NUBPL: variants seen among roughly 807,000 people sequenced by gnomAD.
NUBPL encodes NUBP iron-sulfur cluster assembly factor, mitochondrial.
In NUBPL, 31 loss-of-function variants were observed where a neutral mutation model predicts 45.7. The observed-to-expected ratio is 0.68, with a 90% CI of 0.51 to 0.92. The LOEUF (loss-of-function observed/expected upper bound fraction) is 0.92. Among genes scored for constraint, NUBPL ranks in the 40% least tolerant of loss-of-function variants. The probability of loss-of-function intolerance (pLI) is 0.00; values close to 1 mark genes in which losing one functional copy is unlikely to be tolerated. For synonymous variants in NUBPL, 144 were observed against 140.9 expected, an observed-to-expected ratio of 1.02 and a Z score of -0.15; for missense variants, 401 against 398.7, an observed-to-expected ratio of 1.01 and a Z score of -0.05.
intron 4 of NUBPL, among the ~76,000 whole-genome samples, chr14:31,645,808 A>C (rs904433752): frequency 3.6e-5 from 4 of 111,782 alleles, no homozygotes; most frequent in African/African-American, 1.4e-4. Context: ...TTGTTGTGTC[A>C]TTTTACGTTT....
At chr14:31,662,569 T>C (rs2139774561) in intron 4 of NUBPL, among the ~76,000 whole-genome samples, 1 of 152,112 alleles carries the variant, frequency 6.6e-6, no homozygotes, top group Non-Finnish European at 1.5e-5. Flanking sequence ...GAACATGCGG[T>C]GTTTGGTGTT....
intron 4 of NUBPL, among the ~76,000 whole-genome samples, chr14:31,635,429 G>A (rs2035465410): frequency 6.6e-6 from 1 of 151,894 alleles, no homozygotes; most frequent in Non-Finnish European, 1.5e-5. Flanking sequence ...TGAGGGCTCT[G>A]TTCTGTTCCA....
chr14:31,698,747 A>G (rs1351025772), intron 6 of NUBPL, among the ~76,000 whole-genome samples: 1 of 151,128 alleles, frequency 6.6e-6, no homozygotes, highest in Non-Finnish European at 1.5e-5. Flanking sequence ...TTTCTATACT[A>G]TTTGCCTTCA....
intron 4 of NUBPL, among the ~76,000 whole-genome samples, chr14:31,660,428 AG>A (rs1480623554): frequency 6.6e-6 from 1 of 152,210 alleles, no homozygotes; most frequent in Non-Finnish European, 1.5e-5. Flanking sequence ...TCAGAAAGGA[AG>A]GACTAGAGAA....
At chr14:31,810,311 T>C (rs2039775677) in intron 7 of NUBPL, among the ~76,000 whole-genome samples, 1 of 152,216 alleles carries the variant, frequency 6.6e-6, no homozygotes, top group African/African-American at 2.4e-5. Flanking sequence ...CTGTATTGGG[T>C]GCATATATAT....
chr14:31,671,274 C>T (rs1211565729), intron 4 of NUBPL, among the ~76,000 whole-genome samples: 1 of 152,158 alleles, frequency 6.6e-6, no homozygotes, highest in Admixed American at 6.5e-5. Flanking sequence ...ATACGTTCAT[C>T]TAATGTTGGA....
chr14:31,837,630 A>T (rs143757120), intron 8 of NUBPL, among the ~76,000 whole-genome samples: 1 of 152,204 alleles, frequency 6.6e-6, no homozygotes, highest in African/African-American at 2.4e-5. Flanking sequence ...CCACATAAAA[A>T]TTATTGAGGA....
intron 6 of NUBPL, among the ~76,000 whole-genome samples, chr14:31,766,992 T>TA (rs200669261): frequency 1.7e-3 from 247 of 147,054 alleles, no homozygotes; most frequent in Middle Eastern, 0.014. Flanking sequence ...AATACATAAT[T>TA]AAAAAAAAAA....
intron 6 of NUBPL, among the ~76,000 whole-genome samples, chr14:31,719,934 A>C (rs1286913437): frequency 6.6e-6 from 1 of 152,222 alleles, no homozygotes; most frequent in Admixed American, 6.5e-5. Flanking sequence ...AAAATGATTT[A>C]AATAATGATA....
chr14:31,748,354 T>C lies in NUBPL; in HGVS notation c.514-39426T>C, dbSNP rs1472497590. Among the ~76,000 whole-genome samples the C allele has an allele frequency of 3.9e-5, 6 of 152,170 alleles. No individual in the cohort carries two copies. In the South Asian group the frequency reaches 6.2e-4, roughly 16 times the overall value. ...ACAGTTTAAGTCTGATGTTTCTCTG[T>C]TGTTTTTTTGTTGAGATTGTTTGTT... On this transcript the variant is annotated intron_variant, in intron 6 of 10. Coordinates refer to ENST00000281081, the MANE Select transcript of NUBPL (RefSeq NM_025152.3).
intron 6 of NUBPL, among the ~76,000 whole-genome samples, chr14:31,678,103 A>G (rs1430473608): frequency 6.6e-6 from 1 of 152,182 alleles, no homozygotes; most frequent in Non-Finnish European, 1.5e-5. Flanking sequence ...CCCACAGGGC[A>G]TACTTCTAGG....
chr14:31,700,908 C>T (rs898870692), intron 6 of NUBPL, among the ~76,000 whole-genome samples: 3 of 152,124 alleles, frequency 2.0e-5, no homozygotes, highest in South Asian at 2.1e-4. Context: ...CCGGTCCCAT[C>T]GACCGCCCAA....
chr14:31,698,356 C>CTT (rs548304258), intron 6 of NUBPL, among the ~76,000 whole-genome samples: 5 of 142,498 alleles, frequency 3.5e-5, no homozygotes, highest in African/African-American at 1.3e-4. Flanking sequence ...TCATTTTGGT[C>CTT]TTTTTTTTTT....
intron 4 of NUBPL, among the ~76,000 whole-genome samples, chr14:31,648,975 A>AT (rs67397073): frequency 0.44 from 66,023 of 151,706 alleles, 17,183 homozygotes; most frequent in East Asian, 0.6. Flanking sequence ...CACCTGGCTA[A>AT]TTTTTTTTAT....
chr14:31,640,135 G>A (rs2035642246), intron 4 of NUBPL, among the ~76,000 whole-genome samples: 2 of 152,090 alleles, frequency 1.3e-5, no homozygotes, highest in Admixed American at 6.6e-5. Context: ...AGATGAACCC[G>A]GTACCTCAGA....
intron 5 of NUBPL, 27 bp from the exon 6 acceptor site, chr14:31,673,457 A>G (rs1331429738): frequency 8.1e-6 from 13 of 1,607,810 alleles, no homozygotes; most frequent in South Asian, 1.1e-5. Context: ...TATACAAATT[A>G]GTTGTATTTT....
intron 7 of NUBPL, among the ~76,000 whole-genome samples, chr14:31,791,681 T>C (rs1373997262): frequency 6.6e-6 from 1 of 152,146 alleles, no homozygotes; most frequent in Non-Finnish European, 1.5e-5. Context: ...GAAGTGCTTA[T>C]GAGACATCTA....
chr14:31,855,731 C>G (rs1337069697), intron 10 of NUBPL, among the ~76,000 whole-genome samples: 2 of 151,368 alleles, frequency 1.3e-5, no homozygotes, highest in Non-Finnish European at 2.9e-5. Context: ...AAAATGAAGA[C>G]ATGCGAAACA....
chr14:31,593,056 A>G (rs2034184204), intron 3 of NUBPL, among the ~76,000 whole-genome samples: 2 of 152,342 alleles, frequency 1.3e-5, no homozygotes, highest in Non-Finnish European at 1.5e-5. Context: ...CCCAATAAAA[A>G]GAACAATACA....
Sources: allele counts gnomAD v4.1 joint callset (sites outside exome capture counted in the v4.1 genomes callset), GRCh38; gene constraint gnomAD v4.1.1; transcripts MANE v1.5; gene names NCBI Gene and HGNC (gene_info 2026-07-23, HGNC 2026-07-21).